The following PLXND1 variants were observed in gnomAD, a reference collection of about 807,000 sequenced individuals.
The protein encoded by PLXND1 is plexin D1, also known as plexin-D1.
A neutral mutation model predicts 197.7 loss-of-function variants in PLXND1; 54 were observed. The observed-to-expected ratio is 0.27, with a 90% CI of 0.22 to 0.34. The LOEUF (loss-of-function observed/expected upper bound fraction) is 0.34. PLXND1 is among the 10% of genes least tolerant of loss of function. The pLI is 1.00. For missense variants in PLXND1, 2,127 were observed against 2,699.2 expected, an observed-to-expected ratio of 0.79 and a Z score of 4.70; for synonymous variants, 1,180 against 1,161.2, an observed-to-expected ratio of 1.02 and a Z score of -0.33.
chr3:129,576,314 C>A (rs1323649193), intron 9 of PLXND1, among the ~76,000 whole-genome samples: 1 of 152,232 alleles, frequency 6.6e-6, no homozygotes, highest in East Asian at 1.9e-4. Context: ...ACCTGTCTTC[C>A]TTTCTACCAC....
At chr3:129,602,549 G>C (rs2085725303) in intron 1 of PLXND1, among the ~76,000 whole-genome samples, 1 of 152,178 alleles carries the variant, frequency 6.6e-6, no homozygotes, top group African/African-American at 2.4e-5. Flanking sequence ...GCCCACAAGA[G>C]TAGAAACAAA....
rs1560076551 is a variant in PLXND1, at chr3:129,586,594, G to C, written c.1614C>G (p.Ser538=). ...GCTGGGGCTCTGGCCTCACCTGGTGGGACGTCATCAGGTAAAGGTAACCGG... is the reference window on the plus strand; with the variant it reads ...GCTGGGGCTCTGGCCTCACCTGGTGCGACGTCATCAGGTAAAGGTAACCGG... ...ADSGYLYLMT[S]HQMARVKVAA... The change falls in exon 3 of 36, where the codon TCC becomes TCG. Residue 538 remains serine, a synonymous_variant. Transcript: ENST00000324093. The C allele has an allele frequency of 5.1e-6, 8 of 1,567,954 alleles. No homozygotes were observed. Among genetic ancestry groups the C allele is most frequent in the Middle Eastern group, 1.7e-4 (1 of 6,004 alleles).
Position 129,558,761 on chromosome 3 carries a change from G to T in PLXND1, c.5298-186C>A. Reference sequence around the variant, plus strand: ...CAGCTGGGGTGCAGTGGGGCTGAGAGCCCGGTTTCCTGCTGGAGCAAGGCA... The same window carrying T: ...CAGCTGGGGTGCAGTGGGGCTGAGATCCCGGTTTCCTGCTGGAGCAAGGCA... On this transcript the variant is annotated intron_variant, in intron 32 of 35. Coordinates refer to ENST00000324093, the MANE Select transcript of PLXND1 (RefSeq NM_015103.3). The surrounding 1 kb of genome is among the most constrained non-coding windows in gnomAD (Gnocchi z 4.1). 1 of 593,362 alleles carries T rather than the reference G, an allele frequency of 1.7e-6. No individual in the cohort carries two copies. Among genetic ancestry groups the T allele is most frequent in the Non-Finnish European group, 3.0e-6 (1 of 337,344 alleles). 36.8% of individuals were successfully genotyped at this position (593,362 alleles called of 1,614,324 possible).
chr3:129,570,711 G>A (rs2085210772), intron 19 of PLXND1, 75 bp downstream of exon 19: 2 of 1,433,100 alleles, frequency 1.4e-6, no homozygotes, highest in Non-Finnish European at 2.0e-6. Flanking sequence ...CAGGTGCTGG[G>A]TGAGGGGCAG....
rs774366289 is a variant in PLXND1 at position 129,578,415 on chromosome 3, G to A, written c.2260C>T (p.Arg754Trp). The change falls in exon 9 of 36, where the codon CGG becomes TGG. Residue 754 changes from arginine (R) to tryptophan (W), a missense_variant. Physicochemically the swap from Arg to Trp is moderately radical, Grantham distance 101 (BLOSUM62 -3). Transcript: ENST00000324093. ...GGTGCCAGGGGTGAGAGCAGGGTCC[G>A]GGGGCAGTCCTGAGGGCTCTGCAGA... ...PNPTSPQDCP[R>W]TLLSPLAPVP... 5.0e-6 allele frequency: 8 copies of A among 1,596,248 alleles called. No homozygotes were observed. Among genetic ancestry groups the A allele is most frequent in the Admixed American group, 1.8e-5 (1 of 56,846 alleles).
chr3:129,574,679 G>GC (rs2085286990), intron 11 of PLXND1, among the ~76,000 whole-genome samples, 189 bp from the exon 12 acceptor site: 1 of 152,224 alleles, frequency 6.6e-6, no homozygotes, highest in Admixed American at 6.5e-5. Context: ...AACCCCTGGG[G>GC]CCTGTGCTGA....
In PLXND1 at chr3:129,605,584, G is replaced by C. The variant is rs1172222924; in HGVS notation, c.1056C>G (p.Gly352=). The part of the protein sequence containing the change: ...GLQCAGGAGR[G]DLYSRLVSVF... ...CCGACACCAGGCGGCTGTAGAGGTC[G>C]CCGCGGCCCGCGCCGCCCGCGCACT... Residue 352 remains glycine (G), a synonymous_variant, in exon 1 of 36, where the codon GGC becomes GGG. Transcript: ENST00000324093. 7 of 1,533,658 alleles carry C rather than the reference G, an allele frequency of 4.6e-6. No individual in the cohort carries two copies. The highest frequency in any genetic ancestry group is 6.1e-6 in the Non-Finnish European group (7 of 1,144,428).
Position 129,575,554 on chromosome 3 carries a change from C to A in PLXND1, c.2445G>T (p.Thr815=). 3 of 1,555,158 alleles carry A rather than the reference C, an allele frequency of 1.9e-6. No individual in the cohort carries two copies. The highest frequency in any genetic ancestry group is 2.6e-6 in the Non-Finnish European group (3 of 1,148,628). The change falls in exon 11 of 36, where the codon ACG becomes ACT. Residue 815 remains threonine (T), a synonymous_variant. Transcript: ENST00000324093. ...GCGGGAACACCTGGCTCTTCCGGGT[C>A]GTGTGCAGCTGCAAAAGGGCAGAAA... ...VVRCDQVVLH[T]TRKSQVFPLS...
Position 129,606,285 on chromosome 3 carries a change from G to A in PLXND1, c.355C>T (p.Arg119Cys), listed in dbSNP as rs2085792748. Residue 119 changes from arginine (R) to cysteine (C), a missense_variant, in exon 1 of 36, where the codon CGC becomes TGC. By Grantham distance (180) the Arg-to-Cys change is radical. Around this residue, in one of 6 missense-constraint regions of PLXND1, gnomAD observed 245 missense variants for 267.1 expected, o/e 0.92. Coordinates refer to ENST00000324093, the MANE Select transcript of PLXND1 (RefSeq NM_015103.3). ...LPQASCEHPRRLTDNYNKILQ... is the reference protein window; with the variant it reads ...LPQASCEHPRCLTDNYNKILQ... Reference sequence around the variant, plus strand: ...ATCTTGTTGTAGTTGTCCGTGAGGCGCCGCGGGTGCTCGCACGAGGCCTGC... The same window carrying A: ...ATCTTGTTGTAGTTGTCCGTGAGGCACCGCGGGTGCTCGCACGAGGCCTGC... 6.5e-7 allele frequency: 1 copy of A among 1,532,518 alleles called. No individual in the cohort carries two copies. The highest frequency in any genetic ancestry group is 1.4e-5 in the African/African-American group (1 of 69,764). The allele number at this position is 1,532,518 out of a possible 1,614,324, so 94.9% of individuals were successfully genotyped here. A position where few individuals can be genotyped will look rare whatever the true frequency, so the allele number is the denominator to read the frequency against.
chr3:129,605,480 G>A lies in PLXND1; in HGVS notation c.1160C>T (p.Ala387Val). The change falls in exon 1 of 36, where the codon GCA (alanine) becomes GTA (valine). Residue 387 changes from alanine to valine, a missense_variant. Physicochemically the swap from Ala to Val is moderately conservative, Grantham distance 64. Transcript: ENST00000324093. Reference protein sequence around the residue: ...GSPAARAAPAALCAFRFADVR... With the variant: ...GSPAARAAPAVLCAFRFADVR... Reference sequence around the variant, plus strand: ...GTCGGCGAAGCGGAAGGCGCAGAGTGCGGCCGGAGCAGCGCGGGCCGCGGG... The same window carrying A: ...GTCGGCGAAGCGGAAGGCGCAGAGTACGGCCGGAGCAGCGCGGGCCGCGGG... The A allele has an allele frequency of 6.7e-7, 1 of 1,496,952 alleles. No individual in the cohort carries two copies. The highest frequency in any genetic ancestry group is 8.8e-7 in the Non-Finnish European group (1 of 1,130,576). 92.7% of individuals were successfully genotyped at this position (1,496,952 alleles called of 1,614,324 possible). A position where few individuals can be genotyped will look rare whatever the true frequency, so the allele number is the denominator to read the frequency against.
chr3:129,589,586 G>A (rs1049950089), intron 1 of PLXND1, 59 bp from the exon 2 acceptor site: 30 of 1,412,134 alleles, frequency 2.1e-5, no homozygotes, highest in Middle Eastern at 2.4e-4. Flanking sequence ...CTCCCCGCCC[G>A]CACAGCTGGC....
At chr3:129,588,536 A>G (rs563399656) in intron 2 of PLXND1, among the ~76,000 whole-genome samples, 1 of 152,336 alleles carries the variant, frequency 6.6e-6, no homozygotes, top group South Asian at 2.1e-4. Context: ...CTCCCCAGCC[A>G]CAGCGGTGGG....
intron 9 of PLXND1, 141 bp from the exon 10 acceptor site, chr3:129,575,996 C>G: frequency 1.5e-6 from 1 of 649,038 alleles, no homozygotes; most frequent in Non-Finnish European, 2.8e-6. Context: ...ATGGGCTGTC[C>G]CGTCCCCCAA....
Position 129,587,225 on chromosome 3 carries a change from AC to A in PLXND1, c.1489-507del, listed in dbSNP as rs1647009398. On this transcript the variant is annotated intron_variant, in intron 2 of 35. Transcript: ENST00000324093. Reference sequence around the variant, plus strand: ...GCTGCACGTCTCATTCCTCCCCCCGACGCCCATTTCACCGAAGAGGAATCTG... The same window carrying A: ...GCTGCACGTCTCATTCCTCCCCCCGAGCCCATTTCACCGAAGAGGAATCTG... 5.3e-5 allele frequency among the ~76,000 whole-genome samples: 8 copies of A among 152,080 alleles called. No individual in the cohort carries two copies. In the South Asian group the frequency reaches 1.7e-3, roughly 31 times the overall value.
At chr3:129,587,993 C>T (rs2085484999) in intron 2 of PLXND1, among the ~76,000 whole-genome samples, 1 of 152,196 alleles carries the variant, frequency 6.6e-6, no homozygotes, top group Non-Finnish European at 1.5e-5. Flanking sequence ...GTCCAGGCGT[C>T]CAGTGGACAC....
Position 129,558,119 on chromosome 3 carries a change from T to C in PLXND1, c.5445+309A>G, listed in dbSNP as rs998784712. ...ATGATGTTGTGCCTGACCAAGCAGG[T>C]TGTCCAAGCTCATACTGGCTTTCCC... On this transcript the variant is annotated intron_variant, in intron 33 of 35. Coordinates refer to ENST00000324093, the MANE Select transcript of PLXND1 (RefSeq NM_015103.3). This position sits in a 1 kb window ranked among gnomAD's most constrained non-coding sequence, Gnocchi z 4.1. Among the ~76,000 whole-genome samples, 3 of 152,188 alleles carry C rather than the reference T, an allele frequency of 2.0e-5. No homozygotes were observed. Among genetic ancestry groups the C allele is most frequent in the South Asian group, 2.1e-4 (1 of 4,830 alleles).
chr3:129,597,871 C>T (rs559681787), intron 1 of PLXND1, among the ~76,000 whole-genome samples: 117 of 152,356 alleles, frequency 7.7e-4, no homozygotes, highest in African/African-American at 2.3e-3. Flanking sequence ...ACTCGGGAAC[C>T]GGCTGGTTTC....
rs537272155 is a variant in PLXND1 at position 129,558,339 on chromosome 3, C to T, written c.5445+89G>A. 4.8e-6 allele frequency: 6 copies of T among 1,261,876 alleles called. No individual in the cohort carries two copies. In the African/African-American group the frequency reaches 5.9e-5, roughly 12 times the overall value. 78.2% of individuals were successfully genotyped at this position (1,261,876 alleles called of 1,614,324 possible). ...CCCCTCCCAGGAAGATCTCTGAGCT[C>T]AGCCTCAGAGAGTCGAGGAGGCTAC... On this transcript the variant is annotated intron_variant, in intron 33 of 35. Coordinates refer to ENST00000324093, the MANE Select transcript of PLXND1 (RefSeq NM_015103.3). The surrounding 1 kb of genome is among the most constrained non-coding windows in gnomAD (Gnocchi z 4.1).
intron 30 of PLXND1, 22 bp downstream of exon 30, chr3:129,560,667 G>T: frequency 6.3e-7 from 1 of 1,588,408 alleles, no homozygotes; most frequent in Non-Finnish European, 8.6e-7. Flanking sequence ...TGGATCCCCC[G>T]GGGCCGAGGT....
Sources: allele counts gnomAD v4.1 joint callset (sites outside exome capture counted in the v4.1 genomes callset), GRCh38; gene constraint gnomAD v4.1.1; regional missense constraint gnomAD v4.1.1; non-coding constraint Gnocchi (gnomAD v3.1); transcripts MANE v1.5; gene names NCBI Gene and HGNC (gene_info 2026-07-23, HGNC 2026-07-21).